PON3: variants seen among roughly 807,000 people sequenced by gnomAD.
PON3 encodes paraoxonase 3.
Under a neutral mutation model 36.3 loss-of-function variants are expected in PON3, and 37 were observed. That is an observed-to-expected ratio of 1.02 (90% CI 0.78 to 1.34). The LOEUF (loss-of-function observed/expected upper bound fraction) is 1.34. Ranked by LOEUF, PON3 falls within the 40% of genes most tolerant of loss-of-function variation. The pLI, the probability that PON3 is intolerant of heterozygous loss-of-function variation, is 0.00. For missense variants in PON3, 415 were observed against 426.5 expected, an observed-to-expected ratio of 0.97 and a Z score of 0.24; for synonymous variants, 155 against 154.8, an observed-to-expected ratio of 1.00 and a Z score of -0.01.
chr7:95,379,643 G>A (rs2116402840), intron 3 of PON3, among the ~76,000 whole-genome samples: 1 of 152,360 alleles, frequency 6.6e-6, no homozygotes, highest in African/African-American at 2.4e-5. Flanking sequence ...CAAGGGAGCA[G>A]CGAGGCTGGG....
Position 95,396,324 on chromosome 7 carries a change from CAGG to C in PON3, c.24_26del (p.Leu10del). The C allele has an allele frequency of 3.7e-6, 6 of 1,614,032 alleles. No homozygotes were observed. Among genetic ancestry groups the C allele is most frequent in the Non-Finnish European group, 3.4e-6 (4 of 1,179,976 alleles). On this transcript the variant is annotated inframe_deletion, in exon 1 of 9. Transcript: ENST00000265627. ...CGACTAAGGACAGGCCGACCCCCAG[CAGG>C]ACCAGCGCCACGAGCTTCCCCATGG...
chr7:95,381,382 G>A (rs1025412164), intron 3 of PON3, among the ~76,000 whole-genome samples: 3 of 152,150 alleles, frequency 2.0e-5, no homozygotes, highest in African/African-American at 7.2e-5. Flanking sequence ...TGGGCTAAAT[G>A]CTCCAATTAA....
At position 95,367,364 on chromosome 7, in the gene PON3, T is replaced by G; in HGVS notation, c.492A>C (p.Lys164Asn). Residue 164 changes from lysine to asparagine, a missense_variant and splice_region_variant, in exon 5 of 9, where the codon AAA (lysine) becomes AAC (asparagine). Lys to Asn is a moderately conservative substitution (Grantham distance 94). Transcript: ENST00000265627. ...YLKTIKHELL[K>N]SVNDIVVLGP... ...CGCACAATACTTTCATTCCATACCT[T>G]TTGAGAAGTTCATGTTTTATAGTTT... 1 of 1,612,242 alleles carries G rather than the reference T, an allele frequency of 6.2e-7. No homozygotes were observed. Among genetic ancestry groups the G allele is most frequent in the Non-Finnish European group, 8.5e-7 (1 of 1,179,656 alleles).
chr7:95,395,501 A>C (rs1809409648), intron 1 of PON3, among the ~76,000 whole-genome samples: 1 of 152,208 alleles, frequency 6.6e-6, no homozygotes, highest in South Asian at 2.1e-4. Flanking sequence ...TCAAACTGGA[A>C]GTATTACTAA....
In PON3 at chr7:95,372,307, G is replaced by A. The variant is rs202147739; in HGVS notation, c.233C>T (p.Ala78Val). 26 of 1,613,836 alleles carry A rather than the reference G, an allele frequency of 1.6e-5. No homozygotes were observed. The highest frequency in any genetic ancestry group is 2.7e-5 in the African/African-American group (2 of 75,028). The change falls in exon 4 of 9, where the codon GCG becomes GTG. Residue 78 changes from alanine to valine, a missense_variant. Ala to Val is a moderately conservative substitution (Grantham distance 64, BLOSUM62 0). Transcript: ENST00000265627. ...GLKYPGMPNF[A>V]PDEPGKIFLM... ...GAAGATTTTTCCTGGTTCATCTGGC[G>A]CAAAGTTTGGCATGCCTGGATATTT...
intron 8 of PON3, among the ~76,000 whole-genome samples, chr7:95,361,543 T>C (rs544702781): frequency 5.1e-4 from 77 of 152,284 alleles, no homozygotes; most frequent in African/African-American, 1.7e-3. Flanking sequence ...TCCCATAAAA[T>C]TTGCCATCTT....
chr7:95,385,898 TG>T (rs1307249896), intron 3 of PON3, among the ~76,000 whole-genome samples: 1 of 152,166 alleles, frequency 6.6e-6, no homozygotes, highest in African/African-American at 2.4e-5. Context: ...CCAGAATCTC[TG>T]GAACACATTT....
At chr7:95,390,087 GACA>G (rs1809285669) in intron 3 of PON3, 64 bp downstream of exon 3, 6 of 1,466,494 alleles carry the variant, frequency 4.1e-6, no homozygotes, top group Non-Finnish European at 4.8e-6. Context: ...AGCTCCAGAG[GACA>G]ACATTAATGC....
rs758350580 is a variant in PON3, at chr7:95,377,359, C to T, written c.202-5021G>A. Among the ~76,000 whole-genome samples the T allele has an allele frequency of 7.2e-5, 11 of 152,270 alleles. No individual in the cohort carries two copies. In the South Asian group the frequency reaches 8.3e-4, roughly 11 times the overall value. On this transcript the variant is annotated intron_variant, in intron 3 of 8. Transcript: ENST00000265627. Reference sequence around the variant, plus strand: ...GGGCAGGGCAAATCAGAACAAAAGGCGGCAGACAGCTTCAGCAGACCTAAA... The same window carrying T: ...GGGCAGGGCAAATCAGAACAAAAGGTGGCAGACAGCTTCAGCAGACCTAAA...
At position 95,382,345 on chromosome 7, in the gene PON3, C is replaced by T. The variant is rs1384948364; in HGVS notation, c.201+7809G>A. On this transcript the variant is annotated intron_variant, in intron 3 of 8. Coordinates refer to ENST00000265627, the MANE Select transcript of PON3 (RefSeq NM_000940.3). The stretch of plus-strand genomic sequence containing the variant: ...AAAGCTAGCAGAAGACAAGAAATAA[C>T]TAAGATCAGAGCAGAACTGAAGGAG... 3.3e-5 allele frequency among the ~76,000 whole-genome samples: 5 copies of T among 152,194 alleles called. No individual in the cohort carries two copies. The East Asian group carries it at 9.7e-4, about 29-fold the overall frequency.
intron 4 of PON3, among the ~76,000 whole-genome samples, chr7:95,370,526 T>C (rs761826429): frequency 7.2e-5 from 11 of 152,166 alleles, no homozygotes; most frequent in Non-Finnish European, 1.3e-4. Context: ...AATTGTTAGA[T>C]TCAATTATCT....
At chr7:95,378,858 T>G (rs1808979233) in intron 3 of PON3, among the ~76,000 whole-genome samples, 1 of 152,088 alleles carries the variant, frequency 6.6e-6, no homozygotes, top group Non-Finnish European at 1.5e-5. Flanking sequence ...ACGGGCAAAA[T>G]AACCAGCTAA....
chr7:95,386,758 C>A (rs1466610083), intron 3 of PON3, among the ~76,000 whole-genome samples: 1 of 152,124 alleles, frequency 6.6e-6, no homozygotes, highest in Non-Finnish European at 1.5e-5. Flanking sequence ...CAAACCGAAT[C>A]CAGCAACACA....
intron 3 of PON3, among the ~76,000 whole-genome samples, chr7:95,375,253 T>C (rs928226737): frequency 1.3e-5 from 2 of 151,248 alleles, no homozygotes; most frequent in African/African-American, 2.4e-5. Flanking sequence ...TGTATATGTA[T>C]ACATATATAT....
intron 3 of PON3, among the ~76,000 whole-genome samples, chr7:95,385,024 T>C (rs1160488078): frequency 6.6e-6 from 1 of 152,078 alleles, no homozygotes; most frequent in East Asian, 1.9e-4. Context: ...TATGCAGACA[T>C]AAAAAATGAT....
intron 8 of PON3, 137 bp from the exon 9 acceptor site, chr7:95,360,268 T>C (rs1319334494): frequency 1.1e-6 from 1 of 889,166 alleles, no homozygotes; most frequent in Non-Finnish European, 1.8e-6. Context: ...TAAATTGTTC[T>C]TCTTCTGATG....
intron 3 of PON3, among the ~76,000 whole-genome samples, chr7:95,376,869 T>A (rs909334885): frequency 6.6e-5 from 10 of 152,154 alleles, no homozygotes; most frequent in African/African-American, 2.2e-4. Flanking sequence ...CCGACTGAGG[T>A]ACCTGGTCCA....
At chr7:95,365,479 C>T (rs1050211022) in intron 5 of PON3, 1 of 152,260 alleles carries the variant, frequency 6.6e-6, no homozygotes, top group Non-Finnish European at 1.5e-5. Flanking sequence ...ATAAACCCTT[C>T]TCCCTTTTTC....
chr7:95,395,904 T>C (rs966635316), intron 1 of PON3: 3 of 338,304 alleles, frequency 8.9e-6, no homozygotes, highest in African/African-American at 4.3e-5. Flanking sequence ...ACTGGTAGCC[T>C]GATCCTCTCT....
Sources: allele counts gnomAD v4.1 joint callset (sites outside exome capture counted in the v4.1 genomes callset), GRCh38; gene constraint gnomAD v4.1.1; transcripts MANE v1.5; gene names NCBI Gene and HGNC (gene_info 2026-07-23, HGNC 2026-07-21).